Variants in VSIG10L observed in about 807,000 individuals in gnomAD.
The protein encoded by VSIG10L is V-set and immunoglobulin domain containing 10 like.
In VSIG10L, 63 loss-of-function variants were observed where a neutral mutation model predicts 67.3. The ratio of observed to expected loss-of-function variants is 0.94; its 90% confidence interval spans 0.76 to 1.15. The LOEUF is 1.15. VSIG10L is among the 50% of genes most tolerant of loss of function. The pLI, the probability that VSIG10L is intolerant of heterozygous loss-of-function variation, is 0.00. For synonymous variants in VSIG10L, 499 were observed against 524.9 expected (o/e 0.95, Z 0.67); for missense variants, 1,050 against 1,177.5 (o/e 0.89, Z 1.58).
intron 5 of VSIG10L, 21 bp from the exon 6 acceptor site, chr19:51,338,229 G>C: frequency 6.9e-7 from 1 of 1,454,918 alleles, no homozygotes. Flanking sequence ...GAGAAGTCCA[G>C]TTAAGAAAGT....
chr19:51,336,336 C>T (rs1325101490), intron 7 of VSIG10L, among the ~76,000 whole-genome samples: 2 of 152,122 alleles, frequency 1.3e-5, no homozygotes, highest in Admixed American at 1.3e-4. Flanking sequence ...GTGTGTGGGT[C>T]ACCTGAGGTC....
intron 5 of VSIG10L, among the ~76,000 whole-genome samples, 194 bp from the exon 6 acceptor site, chr19:51,338,402 A>C (rs1410898453): frequency 6.6e-6 from 1 of 152,006 alleles, no homozygotes; most frequent in Non-Finnish European, 1.5e-5. Context: ...CTCATCAAAC[A>C]CTTATTGAAC....
chr19:51,340,113 G>T lies in VSIG10L; in HGVS notation c.1376C>A (p.Pro459His). The T allele has an allele frequency of 1.5e-6, 2 of 1,311,674 alleles. No individual in the cohort carries two copies. The highest frequency in any genetic ancestry group is 1.9e-6 in the Non-Finnish European group (2 of 1,035,016). 81.3% of individuals were successfully genotyped at this position (1,311,674 alleles called of 1,614,324 possible). The change falls in exon 4 of 10, where the codon CCC becomes CAC. Residue 459 changes from proline to histidine, a missense_variant. Around this residue, in one of 3 missense-constraint regions of VSIG10L, gnomAD observed 529 missense variants for 584.9 expected, o/e 0.90. Transcript: ENST00000335624. The surrounding 1 kb of genome is among the most constrained non-coding windows in gnomAD (Gnocchi z 6.3). Reference protein sequence around the residue: ...AVPAGSRLLLPAVGPGHAGTY... With the variant: ...AVPAGSRLLLHAVGPGHAGTY... ...GCCTGCGTGGCCCGGTCCGACCGCG[G>T]GCAGCAGGAGGCGCGACCCCGCGGG...
In VSIG10L at chr19:51,341,319, AG is replaced by A. The variant is rs1985630710; in HGVS notation, c.728del (p.Pro243LeufsTer2). The A allele has an allele frequency of 6.5e-7, 1 of 1,543,930 alleles. No homozygotes were observed. The highest frequency in any genetic ancestry group is 1.4e-5 in the African/African-American group (1 of 72,994). On this transcript the variant is annotated frameshift_variant, in exon 2 of 10. Coordinates refer to ENST00000335624, the MANE Select transcript of VSIG10L (RefSeq NM_001163922.3). LOFTEE classifies it high-confidence loss of function. The part of the protein sequence containing the change: ...LAAGGLGPGA[P>X]LISLDPAHRD... ...GGTGAGCAGGGTCCAGGCTGATCAG[AG>A]GTGCCCCTGGCCCCAGGCCCCCAGC...
At chr19:51,339,916 G>A (rs1189684182) in intron 4 of VSIG10L, 99 bp downstream of exon 4, 59 of 1,123,076 alleles carry the variant, frequency 5.3e-5, no homozygotes, top group Non-Finnish European at 6.3e-5. Context: ...CCGGTATGCT[G>A]CTCCTCCTTG....
In VSIG10L at chr19:51,334,233, C is replaced by G. The variant is rs147142812; in HGVS notation, c.2377G>C (p.Val793Leu). The G allele has an allele frequency of 1.3e-6, 2 of 1,551,644 alleles. No homozygotes were observed. Among genetic ancestry groups the G allele is most frequent in the African/African-American group, 1.4e-5 (1 of 73,044 alleles). The change falls in exon 8 of 10, where the codon GTA (valine) becomes CTA (leucine). Residue 793 changes from valine (V) to leucine (L), a missense_variant. Val to Leu is a conservative substitution (Grantham distance 32). Transcript: ENST00000335624. Reference protein sequence around the residue: ...GSLLGLALLAVLLLLCICCLC... With the variant: ...GSLLGLALLALLLLLCICCLC... ...CAGCAGATGCAAAGGAGGAGAAGTA[C>G]GGCTAGCAGCGCCAGGCCCAGCAGG...
intron 4 of VSIG10L, 178 bp downstream of exon 4, chr19:51,339,837 G>T: frequency 1.3e-6 from 1 of 779,830 alleles, no homozygotes; most frequent in Non-Finnish European, 1.7e-6. Flanking sequence ...CTCCGCGCTG[G>T]CCCGCCCCAC....
In VSIG10L at chr19:51,337,965, G is replaced by A. The variant is rs1265259537; in HGVS notation, c.1973C>T (p.Ala658Val). The A allele has an allele frequency of 7.7e-6, 12 of 1,551,028 alleles. No individual in the cohort carries two copies. Among genetic ancestry groups the A allele is most frequent in the Middle Eastern group, 1.7e-4 (1 of 5,986 alleles). ...GATCTGGTCACCGCCAGCACCCAGC[G>A]CCCCACTGCACAGCACGGAGTAATT... ...LGNYSVLCSG[A>V]LGAGGDQITL... Residue 658 changes from alanine (A) to valine (V), a missense_variant, in exon 6 of 10, where the codon GCG becomes GTG. Transcript: ENST00000335624.
Position 51,332,347 on chromosome 19 carries a change from G to T in VSIG10L, c.*264C>A. ...TGTCTGCTGCAGAGGCTTGGAGGTT[G>T]TGCAAACCACACAGTTAGATCAGCA... On this transcript the variant is annotated 3_prime_UTR_variant, in exon 10 of 10. Coordinates refer to ENST00000335624, the MANE Select transcript of VSIG10L (RefSeq NM_001163922.3). 2 of 550,830 alleles carry T rather than the reference G, an allele frequency of 3.6e-6. No homozygotes were observed. 34.1% of individuals were successfully genotyped at this position (550,830 alleles called of 1,614,324 possible). A position where few individuals can be genotyped will look rare whatever the true frequency, so the allele number is the denominator to read the frequency against.
chr19:51,338,698 C>T (rs899932141), intron 5 of VSIG10L, among the ~76,000 whole-genome samples, 190 bp downstream of exon 5: 1 of 152,104 alleles, frequency 6.6e-6, no homozygotes, highest in African/African-American at 2.4e-5. Flanking sequence ...AGAAAAATAC[C>T]CCCATCCCTG....
rs764015094 is a variant in VSIG10L, at chr19:51,340,248, G to A, written c.1241C>T (p.Pro414Leu). The A allele has an allele frequency of 1.6e-5, 24 of 1,514,144 alleles. No homozygotes were observed. The South Asian group carries it at 2.8e-4, about 18-fold the overall frequency. 93.8% of individuals were successfully genotyped at this position (1,514,144 alleles called of 1,614,324 possible). A position where few individuals can be genotyped will look rare whatever the true frequency, so the allele number is the denominator to read the frequency against. ...ACTGCCCGCGGTGACAAAGCGGGCA[G>A]GCGCGGCGTCGCGGTCCGAGGAGAC... is the stretch of plus-strand genomic sequence containing the variant. ...ITVSSDRDAAPARFVTAGSNV... is the reference protein window; with the variant it reads ...ITVSSDRDAALARFVTAGSNV... Residue 414 changes from proline (P) to leucine (L), a missense_variant, in exon 4 of 10, where the codon CCT (proline) becomes CTT (leucine). Physicochemically the swap from Pro to Leu is moderately conservative, Grantham distance 98. Coordinates refer to ENST00000335624, the MANE Select transcript of VSIG10L (RefSeq NM_001163922.3). The surrounding 1 kb of genome is among the most constrained non-coding windows in gnomAD (Gnocchi z 6.3).
At position 51,337,970 on chromosome 19, in the gene VSIG10L, AC is replaced by A; in HGVS notation, c.1967del (p.Ser656MetfsTer32). 1 of 1,551,476 alleles carries A rather than the reference AC, an allele frequency of 6.4e-7. No homozygotes were observed. On this transcript the variant is annotated frameshift_variant, in exon 6 of 10. Coordinates refer to ENST00000335624, the MANE Select transcript of VSIG10L (RefSeq NM_001163922.3). LOFTEE classifies it high-confidence loss of function. ...WDLGNYSVLCSGALGAGGDQI... is the reference protein window; with the variant it reads ...WDLGNYSVLCXGALGAGGDQI... ...GGTCACCGCCAGCACCCAGCGCCCCACTGCACAGCACGGAGTAATTTCCCAG... is the reference window on the plus strand; with the variant it reads ...GGTCACCGCCAGCACCCAGCGCCCCATGCACAGCACGGAGTAATTTCCCAG...
At position 51,341,995 on chromosome 19, in the gene VSIG10L, C is replaced by G; in HGVS notation, c.53G>C (p.Gly18Ala). The G allele has an allele frequency of 6.4e-7, 1 of 1,551,592 alleles. No homozygotes were observed. Among genetic ancestry groups the G allele is most frequent in the Non-Finnish European group, 8.7e-7 (1 of 1,146,936 alleles). ...AGAAGAGGCTCTGAGGGTGAGGATC[C>G]CTACCAAGGAGGCTGCAGAGAAGAG... Reference protein sequence around the residue: ...PLFLLLASLVGILTLRASSGL... With the variant: ...PLFLLLASLVAILTLRASSGL... Residue 18 changes from glycine to alanine, a missense_variant, in exon 2 of 10, where the codon GGG becomes GCG. Coordinates refer to ENST00000335624, the MANE Select transcript of VSIG10L (RefSeq NM_001163922.3).
rs115816586 is a variant in VSIG10L at position 51,332,452 on chromosome 19, A to G, written c.*159T>C. 3,945 of 805,052 alleles carry G rather than the reference A, an allele frequency of 4.9e-3. 113 individuals carry two copies. The African/African-American group carries it at 0.059, about 12-fold the overall frequency. The allele number at this position is 805,052 out of a possible 1,614,324, so 49.9% of individuals were successfully genotyped here. A position where few individuals can be genotyped will look rare whatever the true frequency, so the allele number is the denominator to read the frequency against. ...TCTTCTTCTGCAGCAAGAGAGGGAGACAGAAAGTCCCACTTTCAGGGTCCA... is the reference window on the plus strand; with the variant it reads ...TCTTCTTCTGCAGCAAGAGAGGGAGGCAGAAAGTCCCACTTTCAGGGTCCA... On this transcript the variant is annotated 3_prime_UTR_variant, in exon 10 of 10. Transcript: ENST00000335624.
At chr19:51,336,531 G>C (rs889795568) in intron 7 of VSIG10L, among the ~76,000 whole-genome samples, 20 of 152,060 alleles carry the variant, frequency 1.3e-4, no homozygotes, top group Non-Finnish European at 2.6e-4. Context: ...TCCAGCCTGG[G>C]CGACAAGAGC....
In VSIG10L at chr19:51,338,131, AG is replaced by A; in HGVS notation, c.1806del (p.Ser603LeufsTer85). On this transcript the variant is annotated frameshift_variant, in exon 6 of 10. Transcript: ENST00000335624. LOFTEE classifies it high-confidence loss of function. ...GCCCGTGAGGGTGGGGGACAACCAG[AG>A]GCCTCCAGTGCCACCTCTGCCTCCC... Reference protein sequence around the residue: ...RLGEAEVALEASGCPPPSRAS... With the variant: ...RLGEAEVALEXSGCPPPSRAS... 1.3e-6 allele frequency: 2 copies of A among 1,545,872 alleles called. No homozygotes were observed. The highest frequency in any genetic ancestry group is 2.4e-5 in the South Asian group (2 of 83,622).
In VSIG10L at chr19:51,339,150, G is replaced by C; in HGVS notation, c.1475-8C>G. 7.8e-7 allele frequency: 1 copy of C among 1,284,568 alleles called. No individual in the cohort carries two copies. Among genetic ancestry groups the C allele is most frequent in the Non-Finnish European group, 9.9e-7 (1 of 1,007,010 alleles). 79.6% of individuals were successfully genotyped at this position (1,284,568 alleles called of 1,614,324 possible). ...GGGCCCCGGGGGGCAGGTCTGCGGAGAGAAGGGAGAGAATGAAGATGGAGT... is the reference window on the plus strand; with the variant it reads ...GGGCCCCGGGGGGCAGGTCTGCGGACAGAAGGGAGAGAATGAAGATGGAGT... On this transcript the variant is annotated splice_region_variant and splice_polypyrimidine_tract_variant and intron_variant, in intron 4 of 9. Coordinates refer to ENST00000335624, the MANE Select transcript of VSIG10L (RefSeq NM_001163922.3).
chr19:51,336,574 G>GAGA (rs142056544), intron 7 of VSIG10L, among the ~76,000 whole-genome samples: 2 of 151,820 alleles, frequency 1.3e-5, no homozygotes, highest in African/African-American at 2.4e-5. Context: ...GAAGGAGAAG[G>GAGA]AGAAGAAGAA....
Position 51,340,601 on chromosome 19 carries a change from G to A in VSIG10L, c.1021C>T (p.Arg341Cys). 1 of 1,535,256 alleles carries A rather than the reference G, an allele frequency of 6.5e-7. No individual in the cohort carries two copies. The highest frequency in any genetic ancestry group is 8.7e-7 in the Non-Finnish European group (1 of 1,146,414). Residue 341 changes from arginine to cysteine, a missense_variant, in exon 3 of 10, where the codon CGC (arginine) becomes TGC (cysteine). Arg to Cys is a radical substitution (Grantham distance 180). Coordinates refer to ENST00000335624, the MANE Select transcript of VSIG10L (RefSeq NM_001163922.3). This position sits in a 1 kb window ranked among gnomAD's most constrained non-coding sequence, Gnocchi z 6.3. The part of the protein sequence containing the change: ...RGELSWSRDG[R>C]ALEAAESEGA... Reference sequence around the variant, plus strand: ...TCCGATTCCGCCGCCTCCAGGGCGCGTCCGTCCCGGCTCCAGCTCAGCTCC... The same window carrying A: ...TCCGATTCCGCCGCCTCCAGGGCGCATCCGTCCCGGCTCCAGCTCAGCTCC...
Sources: gnomAD v4.1 joint callset for allele counts (sites outside exome capture counted in the v4.1 genomes callset) on GRCh38, gnomAD v4.1.1 for gene constraint, gnomAD v4.1.1 regional missense constraint, Gnocchi (gnomAD v3.1) non-coding constraint, MANE v1.5 for transcripts, NCBI Gene and HGNC (gene_info 2026-07-23, HGNC 2026-07-21) for gene names.